The following ZNF263 variants were observed in gnomAD, a reference collection of about 807,000 sequenced individuals.
ZNF263 encodes the protein zinc finger protein FPM315.
In ZNF263, 49 loss-of-function variants were observed where a neutral mutation model predicts 63.1. The ratio of observed to expected loss-of-function variants is 0.78; its 90% CI spans 0.62 to 0.99. The LOEUF (loss-of-function observed/expected upper bound fraction) is 0.99, where lower values mean the gene tolerates loss of function less well. ZNF263 is among the 50% of genes least tolerant of loss of function. ZNF263 has a pLI of 0.00. For synonymous variants in ZNF263, 352 were observed against 324.2 expected (o/e 1.09, Z -0.92); for missense variants, 872 against 854.8 (o/e 1.02, Z -0.25).
downstream of ZNF263, among the ~76,000 whole-genome samples, chr16:3,293,956 C>T (rs1000921371): frequency 3.3e-5 from 5 of 152,216 alleles, no homozygotes; most frequent in African/African-American, 9.7e-5. Flanking sequence ...GACGGAGTCT[C>T]GCTCTGTCAC....
chr16:3,286,293 C>G, intron 4 of ZNF263, 144 bp downstream of exon 4: 1 of 1,239,546 alleles, frequency 8.1e-7, no homozygotes, highest in Non-Finnish European at 1.1e-6. Flanking sequence ...GTCCCCTGTA[C>G]GAGAGTCATG....
At chr16:3,288,937 C>T (rs559803963) in intron 5 of ZNF263, among the ~76,000 whole-genome samples, 1 of 152,086 alleles carries the variant, frequency 6.6e-6, no homozygotes, top group Non-Finnish European at 1.5e-5. Flanking sequence ...GCCACCGCCC[C>T]CAGCAGAGTA....
exon 2 of ZNF263, chr16:3,299,129 C>A: frequency 6.8e-7 from 1 of 1,474,504 alleles, no homozygotes; most frequent in South Asian, 1.5e-5. Flanking sequence ...CTCTGAAACT[C>A]AGGTGTGGCA....
Position 3,284,960 on chromosome 16 carries a change from C to T in ZNF263, c.388-99C>T, listed in dbSNP as rs1959286115. 9 of 1,453,642 alleles carry T rather than the reference C, an allele frequency of 6.2e-6. No individual in the cohort carries two copies. In the South Asian group the frequency reaches 1.0e-4, roughly 16 times the overall value. The allele number at this position is 1,453,642 out of a possible 1,614,324, so 90.0% of individuals were successfully genotyped here. A position where few individuals can be genotyped will look rare whatever the true frequency, so the allele number is the denominator to read the frequency against. Reference sequence around the variant, plus strand: ...TGTTACCTGGGCCCAAAGGGATCGCCTGAGGTTCTCTGTTGAAGGTTTGCT... The same window carrying T: ...TGTTACCTGGGCCCAAAGGGATCGCTTGAGGTTCTCTGTTGAAGGTTTGCT... On this transcript the variant is annotated intron_variant, in intron 1 of 5. Coordinates refer to ENST00000219069, the MANE Select transcript of ZNF263 (RefSeq NM_005741.5).
chr16:3,288,018 G>A (rs1959444258), intron 4 of ZNF263, among the ~76,000 whole-genome samples: 2 of 151,842 alleles, frequency 1.3e-5, no homozygotes, highest in African/African-American at 2.4e-5. Flanking sequence ...TTGGGAGGCC[G>A]AGGCAGGCAG....
Position 3,283,668 on chromosome 16 carries a change from C to G in ZNF263, c.-151C>G. 1 of 1,265,780 alleles carries G rather than the reference C, an allele frequency of 7.9e-7. No individual in the cohort carries two copies. The highest frequency in any genetic ancestry group is 1.6e-5 in the African/African-American group (1 of 64,226). The allele number at this position is 1,265,780 out of a possible 1,614,324, so 78.4% of individuals were successfully genotyped here. A position where few individuals can be genotyped will look rare whatever the true frequency, so the allele number is the denominator to read the frequency against. ...ACTGAGGCCTAGGCGCCGGAGCCGG[C>G]CGCGCCTGGGCTGGAGCGGGGCTCC... On this transcript the variant is annotated 5_prime_UTR_variant, in exon 1 of 6. Coordinates refer to ENST00000219069, the MANE Select transcript of ZNF263 (RefSeq NM_005741.5).
At position 3,299,686 on chromosome 16, in the gene ZNF263, T is replaced by C. The variant is rs1450098209; in HGVS notation, c.*46+530T>C. 3 of 1,542,182 alleles carry C rather than the reference T, an allele frequency of 1.9e-6. No individual in the cohort carries two copies. The East Asian group carries it at 6.8e-5, about 35-fold the overall frequency. On this transcript the variant is annotated intron_variant, in intron 2 of 2. Coordinates refer to the ZNF263 transcript ENST00000574674. ...GAACATACATTTTATTCGACCATCC[T>C]CACTGGTTAGGGATTCAGAGGAAGG...
intron 2 of ZNF263, chr16:3,300,238 A>T (rs760122214): frequency 5.0e-6 from 8 of 1,614,246 alleles, no homozygotes; most frequent in East Asian, 2.2e-5. Flanking sequence ...AAATCTAAAA[A>T]GCCAACCAGT....
At position 3,283,828 on chromosome 16, in the gene ZNF263, G is replaced by C. The variant is rs777124713; in HGVS notation, c.10G>C (p.Gly4Arg). Residue 4 changes from glycine to arginine, a missense_variant, in exon 1 of 6, where the codon GGC becomes CGC. By Grantham distance (125) the Gly-to-Arg change is moderately radical (BLOSUM62 -2). Coordinates refer to ENST00000219069, the MANE Select transcript of ZNF263 (RefSeq NM_005741.5). Reference sequence around the variant, plus strand: ...CTCTGGAGACCTGACGATGGCGTCGGGCCCGGGCTCCCAGGAACGGGAAGG... The same window carrying C: ...CTCTGGAGACCTGACGATGGCGTCGCGCCCGGGCTCCCAGGAACGGGAAGG... Reference protein sequence around the residue: MASGPGSQEREGLL... With the variant: MASRPGSQEREGLL... 1 of 1,572,812 alleles carries C rather than the reference G, an allele frequency of 6.4e-7. No individual in the cohort carries two copies. Among genetic ancestry groups the C allele is most frequent in the South Asian group, 1.1e-5 (1 of 87,736 alleles).
chr16:3,285,658 AT>A (rs766633243), intron 2 of ZNF263, 22 bp from the exon 3 acceptor site: 1 of 1,612,150 alleles, frequency 6.2e-7, no homozygotes, highest in Non-Finnish European at 8.5e-7. Context: ...TGCCATTCTC[AT>A]TATAATTTCT....
At chr16:3,284,525 T>C (rs1257253874) in intron 1 of ZNF263, among the ~76,000 whole-genome samples, 1 of 152,236 alleles carries the variant, frequency 6.6e-6, no homozygotes, top group Non-Finnish European at 1.5e-5. Context: ...TCTTTCGGCC[T>C]GTTTTCCTAT....
At chr16:3,299,067 G>T (rs1959851035) in intron 1 of ZNF263, 1 of 1,409,668 alleles carries the variant, frequency 7.1e-7, no homozygotes, top group East Asian at 2.6e-5. Flanking sequence ...TTTTACTCTG[G>T]AACTGTTTCT....
rs759018947 is a variant in ZNF263 at position 3,283,770 on chromosome 16, G to GT, written c.-48dup. On this transcript the variant is annotated 5_prime_UTR_variant, in exon 1 of 6. It introduces an in-frame stop codon into an upstream open reading frame of the 5' UTR. Transcript: ENST00000219069. ...CCTTACATGGGTTCAGGGCGCCTTC[G>GT]TAGGCGGGCACGGCTGGTTTCGGGC... The GT allele has an allele frequency of 8.0e-6, 12 of 1,496,432 alleles. No homozygotes were observed. The highest frequency in any genetic ancestry group is 1.1e-5 in the Non-Finnish European group (12 of 1,129,058). 92.7% of individuals were successfully genotyped at this position (1,496,432 alleles called of 1,614,324 possible).
chr16:3,300,525 A>T (rs1305286804), intron 2 of ZNF263: 1 of 1,613,610 alleles, frequency 6.2e-7, no homozygotes, highest in African/African-American at 1.3e-5. Context: ...CATCCATTAC[A>T]CTTTTAAGTG....
At chr16:3,287,202 C>G (rs1202920348) in intron 4 of ZNF263, among the ~76,000 whole-genome samples, 1 of 152,194 alleles carries the variant, frequency 6.6e-6, no homozygotes, top group Admixed American at 6.5e-5. Context: ...CCTCTGCCTC[C>G]CGGGTTCAAG....
In ZNF263 at chr16:3,290,988, G is replaced by T. The variant is rs971191580; in HGVS notation, c.*430G>T. On this transcript the variant is annotated 3_prime_UTR_variant, in exon 6 of 6. Transcript: ENST00000219069. ...GGGGCCCCTGAGACCAAAGAAGAGG[G>T]GCCAAGTACCCTGGGAAATCAGCTG... 9.0e-6 allele frequency: 9 copies of T among 998,910 alleles called. No homozygotes were observed. The highest frequency in any genetic ancestry group is 1.7e-5 in the African/African-American group (1 of 57,336). The allele number at this position is 998,910 out of a possible 1,614,324, so 61.9% of individuals were successfully genotyped here. A position where few individuals can be genotyped will look rare whatever the true frequency, so the allele number is the denominator to read the frequency against.
rs775274232 is a variant in ZNF263 at position 3,288,511 on chromosome 16, T to G, written c.827T>G (p.Leu276Arg). The G allele has an allele frequency of 5.6e-6, 9 of 1,613,004 alleles. No individual in the cohort carries two copies. The highest frequency in any genetic ancestry group is 2.7e-5 in the African/African-American group (2 of 74,994). ...PGTQVGQGGK[L>R]WDPSVQSCKE... ...ACCCAGGTGGGACAAGGAGGAAAGC[T>G]ATGGGATCCCAGTGTCCAGAGCTGC... Residue 276 changes from leucine to arginine, a missense_variant, in exon 5 of 6, where the codon CTA becomes CGA. By Grantham distance (102) the Leu-to-Arg change is moderately radical. Coordinates refer to ENST00000219069, the MANE Select transcript of ZNF263 (RefSeq NM_005741.5).
In ZNF263 at chr16:3,289,475, G is replaced by C. The variant is rs1318026168; in HGVS notation, c.969G>C (p.Gln323His). Residue 323 changes from glutamine (Q) to histidine (H), a missense_variant, in exon 6 of 6, where the codon CAG becomes CAC. Gln to His is a conservative substitution (Grantham distance 24). Coordinates refer to ENST00000219069, the MANE Select transcript of ZNF263 (RefSeq NM_005741.5). Reference protein sequence around the residue: ...NIHPQVLLPDQARGEVPWSPE... With the variant: ...NIHPQVLLPDHARGEVPWSPE... ...ACCCTCAGGTGCTGCTTCCTGACCA[G>C]GCCCGAGGGGAGGTGCCCTGGAGTC... The C allele has an allele frequency of 6.5e-7, 1 of 1,545,176 alleles. No individual in the cohort carries two copies. The highest frequency in any genetic ancestry group is 1.3e-5 in the South Asian group (1 of 78,532).
chr16:3,294,254 T>C (rs1959689489), downstream of ZNF263, among the ~76,000 whole-genome samples: 1 of 152,208 alleles, frequency 6.6e-6, no homozygotes, highest in African/African-American at 2.4e-5. Context: ...AGAAGAGTGA[T>C]TCATTACATT....
Sources: gnomAD v4.1 joint callset for allele counts (sites outside exome capture counted in the v4.1 genomes callset) on GRCh38, gnomAD v4.1.1 for gene constraint, MANE v1.5 for transcripts, NCBI Gene and HGNC (gene_info 2026-07-23, HGNC 2026-07-21) for gene names.